SLC4A4: variants seen among roughly 807,000 people sequenced by gnomAD.
SLC4A4 encodes the protein electrogenic sodium bicarbonate cotransporter 1.
Under a neutral mutation model 111.5 loss-of-function variants are expected in SLC4A4, and 27 were observed. The observed-to-expected ratio is 0.24, with a 90% CI of 0.18 to 0.33. The LOEUF is 0.33. Ranked by LOEUF, SLC4A4 falls within the 10% of genes least tolerant of loss-of-function variation. The pLI, the probability that SLC4A4 is intolerant of heterozygous loss-of-function variation, is 1.00. For missense variants in SLC4A4, 909 were observed against 1,315.5 expected (o/e 0.69, Z 4.78); for synonymous variants, 443 against 463.4 (o/e 0.96, Z 0.57).
intron 2 of SLC4A4, among the ~76,000 whole-genome samples, chr4:71,245,138 T>C (rs1033506185): frequency 1.3e-5 from 2 of 152,084 alleles, no homozygotes; most frequent in Admixed American, 6.6e-5. Context: ...GGTAGGCCCA[T>C]TTGAGAAACA....
intron 3 of SLC4A4, among the ~76,000 whole-genome samples, chr4:71,258,987 G>A (rs1047502218): frequency 6.6e-6 from 1 of 152,172 alleles, no homozygotes; most frequent in African/African-American, 2.4e-5. Context: ...GACATGAGCT[G>A]GCACCGTGGC....
chr4:71,271,017 T>A (rs915195760), intron 3 of SLC4A4, among the ~76,000 whole-genome samples: 6 of 152,156 alleles, frequency 3.9e-5, no homozygotes, highest in Admixed American at 3.9e-4. Context: ...TTGGACAGCC[T>A]AGGTAAGCAT....
At chr4:71,504,458 A>G (rs1033282383) in intron 16 of SLC4A4, among the ~76,000 whole-genome samples, 16 of 151,222 alleles carry the variant, frequency 1.1e-4, no homozygotes, top group Admixed American at 6.6e-5. Flanking sequence ...CACTGCCAAG[A>G]TTTCTGTTTG....
At chr4:71,277,859 A>G (rs1355103772) in intron 3 of SLC4A4, among the ~76,000 whole-genome samples, 1 of 152,192 alleles carries the variant, frequency 6.6e-6, no homozygotes. Context: ...GTACAATGTA[A>G]TGATTTTATA....
chr4:71,281,390 T>C (rs1178562056), intron 3 of SLC4A4, among the ~76,000 whole-genome samples: 2 of 152,212 alleles, frequency 1.3e-5, no homozygotes. Flanking sequence ...CTAGGATATA[T>C]GTCAGGAGGC....
At position 71,213,069 on chromosome 4, in the gene SLC4A4, G is replaced by C. The variant is rs558984679; in HGVS notation, c.-1-23507G>C. On this transcript the variant is annotated intron_variant, in intron 1 of 25. Transcript: ENST00000264485. ...CAATAGGTTATACCACATAGCCTAG[G>C]TGTGTAAGAGGCTGTACCATCTAGG... is the stretch of plus-strand genomic sequence containing the variant. Among the ~76,000 whole-genome samples the C allele has an allele frequency of 1.2e-3, 178 of 152,316 alleles. 4 individuals are homozygous for C. In the South Asian group the frequency reaches 0.036, roughly 31 times the overall value.
At chr4:71,148,919 G>A (rs1177509150) in intron 2 of SLC4A4, among the ~76,000 whole-genome samples, 1 of 152,138 alleles carries the variant, frequency 6.6e-6, no homozygotes, top group African/African-American at 2.4e-5. Context: ...TAAGGGGATT[G>A]CTGGGTTGAA....
At chr4:71,332,256 C>A (rs1728060085) in intron 3 of SLC4A4, among the ~76,000 whole-genome samples, 1 of 151,884 alleles carries the variant, frequency 6.6e-6, no homozygotes, top group Non-Finnish European at 1.5e-5. Flanking sequence ...CTTTAAGATG[C>A]ATTGTTCGGT....
chr4:71,374,736 G>A (rs1732193050), intron 6 of SLC4A4, among the ~76,000 whole-genome samples: 1 of 151,154 alleles, frequency 6.6e-6, no homozygotes, highest in Non-Finnish European at 1.5e-5. Context: ...GAGATTTCAA[G>A]AGGCACATAT....
intron 14 of SLC4A4, among the ~76,000 whole-genome samples, chr4:71,481,880 A>G: frequency 6.6e-6 from 1 of 151,062 alleles, no homozygotes; most frequent in East Asian, 2.0e-4. Flanking sequence ...TGAAACAGAG[A>G]TTGTCCCAGT....
chr4:71,406,251 A>G (rs1335959879), intron 7 of SLC4A4, among the ~76,000 whole-genome samples: 1 of 152,012 alleles, frequency 6.6e-6, no homozygotes, highest in Non-Finnish European at 1.5e-5. Context: ...TATACCTTAT[A>G]TGGAGTGCTT....
intron 1 of SLC4A4, among the ~76,000 whole-genome samples, chr4:71,218,944 A>G (rs73828769): frequency 0.02 from 2,975 of 152,256 alleles, 85 homozygotes; most frequent in East Asian, 0.08. Context: ...GTCACTGGGA[A>G]CATCCTTCTT....
intron 3 of SLC4A4, among the ~76,000 whole-genome samples, chr4:71,279,013 C>T (rs968993240): frequency 7.9e-5 from 12 of 151,868 alleles, no homozygotes; most frequent in African/African-American, 1.9e-4. Flanking sequence ...ATGTATATAC[C>T]GTGAAATAAT....
chr4:71,157,869 T>C (rs1457408119), intron 2 of SLC4A4, among the ~76,000 whole-genome samples: 2 of 151,986 alleles, frequency 1.3e-5, no homozygotes, highest in African/African-American at 4.8e-5. Flanking sequence ...AAGAGGAAAA[T>C]AAAACCAACT....
At chr4:71,526,597 CTGTT>C (rs1733443061) in intron 16 of SLC4A4, among the ~76,000 whole-genome samples, 2 of 151,964 alleles carry the variant, frequency 1.3e-5, no homozygotes, top group Admixed American at 6.6e-5. Flanking sequence ...TAACATATCT[CTGTT>C]TGTTTATATG....
chr4:71,372,252 C>T (rs557701442), intron 6 of SLC4A4, among the ~76,000 whole-genome samples: 5 of 152,310 alleles, frequency 3.3e-5, no homozygotes, highest in African/African-American at 7.2e-5. Flanking sequence ...TTCATTGTCA[C>T]CTGAGGCAGA....
At chr4:71,141,711 T>A (rs1370674564) in intron 2 of SLC4A4, among the ~76,000 whole-genome samples, 1 of 152,240 alleles carries the variant, frequency 6.6e-6, no homozygotes, top group Non-Finnish European at 1.5e-5. Flanking sequence ...TTGTTTGCCT[T>A]GCTTATTAGT....
At chr4:71,174,838 C>A (rs1432317344) in intron 2 of SLC4A4, among the ~76,000 whole-genome samples, 1 of 152,198 alleles carries the variant, frequency 6.6e-6, no homozygotes, top group Admixed American at 6.5e-5. Flanking sequence ...CAGGCTCAAG[C>A]AATCCTCATG....
chr4:71,406,002 G>A (rs569937575), intron 7 of SLC4A4, among the ~76,000 whole-genome samples: 1 of 151,346 alleles, frequency 6.6e-6, no homozygotes, highest in South Asian at 2.1e-4. Flanking sequence ...GGGCTTTTCA[G>A]GCTCTGTGAG....
Sources: gnomAD v4.1 joint callset for allele counts (sites outside exome capture counted in the v4.1 genomes callset) on GRCh38, gnomAD v4.1.1 for gene constraint, MANE v1.5 for transcripts, NCBI Gene and HGNC (gene_info 2026-07-23, HGNC 2026-07-21) for gene names.